The following CR1 variants were observed in gnomAD, a reference collection of about 807,000 sequenced individuals.
CR1 encodes complement receptor type 1.
In CR1, 116 loss-of-function variants were observed where a neutral mutation model predicts 187.3. The observed-to-expected ratio is 0.62, with a 90% confidence interval of 0.53 to 0.72. The LOEUF is 0.72. Among genes scored for constraint, CR1 ranks in the 30% least tolerant of loss-of-function variants. The pLI is 0.00. For missense variants in CR1, 1,731 were observed against 2,110.7 expected (o/e 0.82, Z 3.52); for synonymous variants, 576 against 747.1 (o/e 0.77, Z 3.73).
At chr1:207,617,469 C>G (rs961680095) in intron 41 of CR1, among the ~76,000 whole-genome samples, 1 of 93,044 alleles carries the variant, frequency 1.1e-5, no homozygotes, top group Non-Finnish European at 2.4e-5. Context: ...TGCATATGTA[C>G]CCTAGAACTT....
chr1:207,597,843 C>T (rs1193651250), intron 35 of CR1, among the ~76,000 whole-genome samples: 1 of 152,168 alleles, frequency 6.6e-6, no homozygotes, highest in Non-Finnish European at 1.5e-5. Flanking sequence ...GTAGAAACAA[C>T]CCAAGTATCT....
chr1:207,572,961 C>G (rs1660623700), intron 27 of CR1, among the ~76,000 whole-genome samples: 1 of 152,058 alleles, frequency 6.6e-6, no homozygotes, highest in Non-Finnish European at 1.5e-5. Context: ...AATAAGGACA[C>G]CAGTCACACT....
intron 3 of CR1, among the ~76,000 whole-genome samples, chr1:207,511,263 CA>C (rs1186030677): frequency 1.3e-5 from 2 of 152,142 alleles, no homozygotes; most frequent in Non-Finnish European, 2.9e-5. Flanking sequence ...TCCCTGCACT[CA>C]AGAACTTTGT....
At chr1:207,567,225 T>C (rs898704584) in intron 24 of CR1, among the ~76,000 whole-genome samples, 3 of 148,578 alleles carry the variant, frequency 2.0e-5, no homozygotes, top group African/African-American at 7.7e-5. Flanking sequence ...TCAACAGACC[T>C]AGACATTTTC....
intron 40 of CR1, 80 bp from the exon 41 acceptor site, chr1:207,616,495 C>T (rs1045902326): frequency 4.8e-5 from 70 of 1,451,106 alleles, no homozygotes; most frequent in South Asian, 7.8e-5. Context: ...TCTTTTTAAG[C>T]GCACAGTCAC....
In CR1 at chr1:207,500,642, G is replaced by T. The variant is rs576714572; in HGVS notation, c.121+4254G>T. On this transcript the variant is annotated intron_variant, in intron 1 of 46. Transcript: ENST00000367049. ...TGACCGAGCCAAGTGTTGGCGATAA[G>T]GTGGAGTAACTGGAATTATAATATA... 1.9e-4 allele frequency among the ~76,000 whole-genome samples: 29 copies of T among 152,280 alleles called. No homozygotes were observed. The South Asian group carries it at 6.0e-3, about 32-fold the overall frequency.
chr1:207,634,039 A>G (rs1662733824), intron 46 of CR1, among the ~76,000 whole-genome samples: 1 of 152,094 alleles, frequency 6.6e-6, no homozygotes. Flanking sequence ...TAAGGCAAGG[A>G]CCGGCCATTT....
At chr1:207,513,762 C>T (rs56157016) in intron 4 of CR1, among the ~76,000 whole-genome samples, 73 of 99,218 alleles carry the variant, frequency 7.4e-4, no homozygotes, top group Admixed American at 1.3e-3. Flanking sequence ...CTCCCTCCCT[C>T]CCTTCCTTCC....
At position 207,609,487 on chromosome 1, in the gene CR1, C is replaced by A; in HGVS notation, c.6094C>A (p.Pro2032Thr). 6.2e-7 allele frequency: 1 copy of A among 1,613,968 alleles called. No homozygotes were observed. Among genetic ancestry groups the A allele is most frequent in the Non-Finnish European group, 8.5e-7 (1 of 1,179,880 alleles). ...TCAAGTTGGTGTTTGGAGCAGCCCT[C>A]CCCCTCGGTGTATTTCTACTAATAA... ...DDQVGVWSSP[P>T]PRCISTNKCT... The change falls in exon 37 of 47, where the codon CCC becomes ACC. Residue 2032 changes from proline to threonine, a missense_variant. By Grantham distance (38) the Pro-to-Thr change is conservative. Around this residue, in one of 5 missense-constraint regions of CR1, gnomAD observed 1,312 missense variants for 1,379.6 expected, o/e 0.95. Coordinates refer to ENST00000367049, the MANE Select transcript of CR1 (RefSeq NM_000651.6).
intron 46 of CR1, among the ~76,000 whole-genome samples, chr1:207,631,406 AC>A (rs1653097231): frequency 1.3e-5 from 2 of 152,154 alleles, no homozygotes; most frequent in Admixed American, 1.3e-4. Context: ...TCCCTTTTAT[AC>A]TACAACAGCA....
chr1:207,602,086 A>G (rs1352098772), intron 35 of CR1, among the ~76,000 whole-genome samples: 1 of 152,174 alleles, frequency 6.6e-6, no homozygotes, highest in African/African-American at 2.4e-5. Context: ...CACAAAGCAC[A>G]GCCCACATTC....
At chr1:207,628,212 C>G (rs549428119) in intron 45 of CR1, among the ~76,000 whole-genome samples, 1 of 152,222 alleles carries the variant, frequency 6.6e-6, no homozygotes, top group East Asian at 1.9e-4. Flanking sequence ...CACCCTCCAC[C>G]TTGGCCTTTC....
At position 207,611,998 on chromosome 1, in the gene CR1, A is replaced by C. The variant is rs1454572992; in HGVS notation, c.6532A>C (p.Asn2178His). The C allele has an allele frequency of 6.2e-7, 1 of 1,614,000 alleles. No individual in the cohort carries two copies. Among genetic ancestry groups the C allele is most frequent in the East Asian group, 2.2e-5 (1 of 44,876 alleles). The change falls in exon 39 of 47, where the codon AAT becomes CAT. Residue 2178 changes from asparagine to histidine, a missense_variant. Around this residue, in one of 5 missense-constraint regions of CR1, gnomAD observed 1,312 missense variants for 1,379.6 expected, o/e 0.95. Coordinates refer to ENST00000367049, the MANE Select transcript of CR1 (RefSeq NM_000651.6). ...LPHGRVLLPL[N>H]LQLGAKVSFV... The stretch of plus-strand genomic sequence containing the variant: ...TCATGGCCGTGTGCTACTTCCACTT[A>C]ATCTCCAGCTTGGGGCAAAGGTGTC...
intron 35 of CR1, among the ~76,000 whole-genome samples, chr1:207,596,134 C>T (rs1661435453): frequency 6.6e-6 from 1 of 150,424 alleles, no homozygotes; most frequent in South Asian, 2.1e-4. Flanking sequence ...ACCACTTGGT[C>T]CATAAAACAA....
intron 5 of CR1, among the ~76,000 whole-genome samples, chr1:207,525,556 T>A (rs1229636942): frequency 1.3e-5 from 2 of 152,000 alleles, no homozygotes; most frequent in East Asian, 3.9e-4. Context: ...ATACTGCCAC[T>A]GCCTGAGCCA....
chr1:207,583,647 C>T (rs1401118697), intron 32 of CR1, among the ~76,000 whole-genome samples: 1 of 152,152 alleles, frequency 6.6e-6, no homozygotes, highest in Non-Finnish European at 1.5e-5. Context: ...GAATTTTGCT[C>T]ATATGAATAC....
At chr1:207,580,099 T>C (rs753233975) in intron 29 of CR1, 141 bp from the exon 30 acceptor site, 100 of 1,213,764 alleles carry the variant, frequency 8.2e-5, no homozygotes, top group Non-Finnish European at 1.1e-4. Flanking sequence ...TCATGCCCTG[T>C]AGATTTACAA....
chr1:207,596,693 G>A (rs113817104), intron 35 of CR1, among the ~76,000 whole-genome samples: 5,372 of 150,370 alleles, frequency 0.036, 320 homozygotes, highest in African/African-American at 0.12. Context: ...GACCAAAAAA[G>A]TTTAAGAACT....
At chr1:207,638,578 C>T (rs1197715105) in intron 46 of CR1, among the ~76,000 whole-genome samples, 2 of 152,240 alleles carry the variant, frequency 1.3e-5, no homozygotes, top group African/African-American at 4.8e-5. Flanking sequence ...GCCCAATATG[C>T]AGCCTTTCCT....
Sources: gnomAD v4.1 joint callset for allele counts (sites outside exome capture counted in the v4.1 genomes callset) on GRCh38, gnomAD v4.1.1 for gene constraint, gnomAD v4.1.1 regional missense constraint, MANE v1.5 for transcripts, NCBI Gene and HGNC (gene_info 2026-07-23, HGNC 2026-07-21) for gene names.